GPC3: variants seen among roughly 807,000 people sequenced by gnomAD.
The protein encoded by GPC3 is glypican 3, also known as glypican-3.
GPC3 carries 3 observed loss-of-function variants against 34.4 expected under a neutral mutation model. The ratio of observed to expected loss-of-function variants is 0.09; its 90% confidence interval spans 0.04 to 0.23. GPC3 has a LOEUF of 0.23. GPC3 is among the 10% of genes least tolerant of loss of function. The pLI is 1.00. For synonymous variants in GPC3, 177 were observed against 174.0 expected (o/e 1.02, Z -0.13); for missense variants, 351 against 445.6 (o/e 0.79, Z 1.91).
intron 3 of GPC3, among the ~76,000 whole-genome samples, chrX:133,708,098 G>A (rs1019122956): frequency 9.0e-6 from 1 of 111,435 alleles, no homozygotes; most frequent in Non-Finnish European, 1.9e-5. Context: ...TTTTCTTTGA[G>A]GAACTCTATG....
intron 6 of GPC3, among the ~76,000 whole-genome samples, chrX:133,660,423 A>G (rs2070705219): frequency 1.8e-5 from 2 of 112,038 alleles, no homozygotes; most frequent in South Asian, 3.8e-4. Flanking sequence ...TTTTGGTGGC[A>G]TTTTTATTGT....
At chrX:133,566,182 G>A (rs1335647014) in intron 7 of GPC3, among the ~76,000 whole-genome samples, 2 of 112,020 alleles carry the variant, frequency 1.8e-5, no homozygotes, top group Non-Finnish European at 3.8e-5. Context: ...GTTCCAACAT[G>A]ATATCACCAT....
chrX:133,796,027 G>C (rs1412671768), intron 2 of GPC3, among the ~76,000 whole-genome samples: 1 of 99,799 alleles, frequency 1.0e-5, no homozygotes, highest in Non-Finnish European at 2.0e-5. Flanking sequence ...CTCACTGCAA[G>C]CTCCGCCTCC....
At chrX:133,969,728 A>G (rs1215897007) in intron 1 of GPC3, among the ~76,000 whole-genome samples, 1 of 111,865 alleles carries the variant, frequency 8.9e-6, no homozygotes, top group African/African-American at 3.2e-5. Flanking sequence ...CAGTTTAAAA[A>G]GAAATAAAAA....
intron 3 of GPC3, among the ~76,000 whole-genome samples, chrX:133,703,610 A>G (rs1291262096): frequency 2.7e-5 from 3 of 110,299 alleles, no homozygotes; most frequent in Non-Finnish European, 5.7e-5. Context: ...ACAGGTGCCC[A>G]CTACCACGCC....
At chrX:133,965,901 G>A (rs911450104) in intron 1 of GPC3, among the ~76,000 whole-genome samples, 6 of 110,896 alleles carry the variant, frequency 5.4e-5, no homozygotes, top group African/African-American at 2.0e-4. Flanking sequence ...GAGTAGGGGG[G>A]AGAGAGGCAA....
intron 2 of GPC3, among the ~76,000 whole-genome samples, chrX:133,909,741 G>A (rs1220526200): frequency 1.8e-5 from 2 of 111,295 alleles, no homozygotes; most frequent in African/African-American, 3.3e-5. Context: ...GAAGTTTTAC[G>A]ATTTTAAAAA....
At chrX:133,607,429 T>C (rs926044574) in intron 6 of GPC3, among the ~76,000 whole-genome samples, 2 of 111,331 alleles carry the variant, frequency 1.8e-5, no homozygotes, top group South Asian at 3.8e-4. Flanking sequence ...CTGATTTTTT[T>C]TTTCTTTCTT....
At chrX:133,967,446 G>C (rs1451988897) in intron 1 of GPC3, among the ~76,000 whole-genome samples, 1 of 111,415 alleles carries the variant, frequency 9.0e-6, no homozygotes, top group African/African-American at 3.3e-5. Context: ...TGGGCTCCAA[G>C]AGGTAGCACC....
chrX:133,596,688 G>C, intron 6 of GPC3, 89 bp from the exon 7 acceptor site: 1 of 912,272 alleles, frequency 1.1e-6, no homozygotes, highest in Non-Finnish European at 1.6e-6. Flanking sequence ...CATTAAAAAT[G>C]TTCAATGAAT....
intron 1 of GPC3, among the ~76,000 whole-genome samples, chrX:133,978,490 C>T (rs1164057172): frequency 1.8e-5 from 2 of 111,444 alleles, no homozygotes; most frequent in Non-Finnish European, 3.8e-5. Context: ...AAAATACTTA[C>T]CTCTTATAAG....
At chrX:133,851,282 T>A (rs764459754) in intron 2 of GPC3, among the ~76,000 whole-genome samples, 1 of 112,071 alleles carries the variant, frequency 8.9e-6, no homozygotes, top group Admixed American at 9.5e-5. Context: ...TAACTTCTCA[T>A]TGTGCCAAGG....
chrX:133,958,724 CAA>C (rs1180723052), intron 1 of GPC3, among the ~76,000 whole-genome samples: 1 of 76,485 alleles, frequency 1.3e-5, no homozygotes. Context: ...AAAAAAAAAA[CAA>C]AAAAAAAAAA....
chrX:133,640,751 T>C (rs1484050096), intron 6 of GPC3, among the ~76,000 whole-genome samples: 1 of 112,201 alleles, frequency 8.9e-6, no homozygotes, highest in Non-Finnish European at 1.9e-5. Flanking sequence ...TACCCTCTAT[T>C]TTTCACACGT....
intron 2 of GPC3, among the ~76,000 whole-genome samples, chrX:133,924,344 A>T (rs2076266425): frequency 9.0e-6 from 1 of 111,405 alleles, no homozygotes; most frequent in African/African-American, 3.3e-5. Flanking sequence ...AAAGAAACTC[A>T]TCAATCCTCA....
chrX:133,904,819 T>TA (rs1163826240), intron 2 of GPC3, among the ~76,000 whole-genome samples: 2 of 111,198 alleles, frequency 1.8e-5, no homozygotes, highest in African/African-American at 3.3e-5. Context: ...TAAGTAGCAA[T>TA]AAAAAAGAGA....
At chrX:133,922,343 A>G (rs2076253068) in intron 2 of GPC3, among the ~76,000 whole-genome samples, 1 of 111,882 alleles carries the variant, frequency 8.9e-6, no homozygotes, top group Admixed American at 9.5e-5. Flanking sequence ...GTGTGTTTGT[A>G]CTAGTTGTGG....
At chrX:133,937,302 G>A (rs889665867) in intron 2 of GPC3, among the ~76,000 whole-genome samples, 2 of 110,757 alleles carry the variant, frequency 1.8e-5, no homozygotes, top group Admixed American at 9.7e-5. Flanking sequence ...ACACACATAC[G>A]CATCCATTCT....
intron 6 of GPC3, among the ~76,000 whole-genome samples, chrX:133,659,066 C>T: frequency 8.9e-6 from 1 of 112,159 alleles, no homozygotes; most frequent in South Asian, 3.7e-4. Flanking sequence ...ATATTAAGTG[C>T]CTGTCATGCA....
Sources: gnomAD v4.1 joint callset for allele counts (sites outside exome capture counted in the v4.1 genomes callset) on GRCh38, gnomAD v4.1.1 for gene constraint, MANE v1.5 for transcripts, NCBI Gene and HGNC (gene_info 2026-07-23, HGNC 2026-07-21) for gene names.